ADD3: variants seen among roughly 807,000 people sequenced by gnomAD.
The protein encoded by ADD3 is gamma-adducin.
In ADD3, 25 loss-of-function variants were observed where a neutral mutation model predicts 80.2. The observed-to-expected ratio is 0.31, with a 90% CI of 0.23 to 0.44. The LOEUF (loss-of-function observed/expected upper bound fraction) is 0.44. Among genes scored for constraint, ADD3 ranks in the 20% least tolerant of loss-of-function variants. The pLI is 1.00. For missense variants in ADD3, 829 were observed against 847.5 expected (o/e 0.98, Z 0.27); for synonymous variants, 284 against 289.6 (o/e 0.98, Z 0.20).
chr10:110,064,918 G>C (rs974052593), intron 1 of ADD3, among the ~76,000 whole-genome samples: 5 of 152,076 alleles, frequency 3.3e-5, no homozygotes, highest in Admixed American at 6.5e-5. Flanking sequence ...ATTAGCCAGG[G>C]GTGGTGGCAC....
chr10:110,133,455 C>G lies in ADD3; in HGVS notation c.1958C>G (p.Thr653Arg). 1 of 1,613,812 alleles carries G rather than the reference C, an allele frequency of 6.2e-7. No homozygotes were observed. The change falls in exon 15 of 15, where the codon ACA (threonine) becomes AGA (arginine). Residue 653 changes from threonine to arginine, a missense_variant. Thr to Arg is a moderately conservative substitution (Grantham distance 71, BLOSUM62 -1). Transcript: ENST00000356080. ...AKRVSRLSTS[T>R]TIENIEITIK... ...CGAGTGAGTAGGTTAAGCACAAGTA[C>G]AACCATAGAAAACATCGAGATTACT...
chr10:110,009,693 T>C (rs2132937858), intron 1 of ADD3, among the ~76,000 whole-genome samples: 1 of 152,316 alleles, frequency 6.6e-6, no homozygotes, highest in South Asian at 2.1e-4. Context: ...CAGGATAAAA[T>C]AAAGGCAGCT....
chr10:110,123,800 G>A (rs1163520032), intron 9 of ADD3: 1 of 526,566 alleles, frequency 1.9e-6, no homozygotes, highest in East Asian at 3.1e-5. Context: ...AGTGGAAATT[G>A]CAATATCAGC....
intron 2 of ADD3, among the ~76,000 whole-genome samples, chr10:110,104,209 G>C (rs1240205752): frequency 6.6e-6 from 1 of 152,156 alleles, no homozygotes; most frequent in Non-Finnish European, 1.5e-5. Context: ...GGAGTCACTG[G>C]TCCAAAGCAA....
chr10:110,009,749 C>G (rs542503370), intron 1 of ADD3, among the ~76,000 whole-genome samples: 51 of 152,304 alleles, frequency 3.3e-4, no homozygotes, highest in Non-Finnish European at 5.7e-4. Context: ...TGTGATAACA[C>G]TTAAGGTGCC....
chr10:110,026,788 T>A (rs1253881045), intron 1 of ADD3, among the ~76,000 whole-genome samples: 1 of 152,100 alleles, frequency 6.6e-6, no homozygotes, highest in East Asian at 1.9e-4. Flanking sequence ...TTTTTTTTTT[T>A]TTAACTTCTG....
intron 1 of ADD3, among the ~76,000 whole-genome samples, chr10:110,031,545 T>C (rs867802374): frequency 4.0e-4 from 61 of 152,266 alleles, no homozygotes; most frequent in African/African-American, 1.4e-3. Context: ...CTCCCCTATG[T>C]TTTCATTTCC....
chr10:110,058,348 G>A (rs751493779), intron 1 of ADD3, among the ~76,000 whole-genome samples: 1 of 152,116 alleles, frequency 6.6e-6, no homozygotes, highest in Non-Finnish European at 1.5e-5. Flanking sequence ...CCCAGCTGTT[G>A]ATAAACTGTG....
chr10:110,063,820 C>G (rs995622950), intron 1 of ADD3, among the ~76,000 whole-genome samples: 3 of 131,074 alleles, frequency 2.3e-5, no homozygotes, highest in Non-Finnish European at 4.8e-5. Context: ...AAGTCAAGAA[C>G]TAGAATGCTA....
chr10:110,123,623 T>C (rs901333559), intron 9 of ADD3, among the ~76,000 whole-genome samples: 1 of 152,238 alleles, frequency 6.6e-6, no homozygotes, highest in Non-Finnish European at 1.5e-5. Flanking sequence ...AATGTTATTT[T>C]AGATTTTACC....
intron 1 of ADD3, among the ~76,000 whole-genome samples, chr10:110,039,285 A>G (rs1469473156): frequency 3.3e-5 from 5 of 151,310 alleles, no homozygotes; most frequent in African/African-American, 1.2e-4. Flanking sequence ...AAGTTCTCCT[A>G]CCCCAATTTA....
chr10:110,084,026 T>G (rs1480858037), intron 1 of ADD3, among the ~76,000 whole-genome samples: 1 of 152,208 alleles, frequency 6.6e-6, no homozygotes, highest in African/African-American at 2.4e-5. Flanking sequence ...TACAGCTAAA[T>G]AGACACTATA....
chr10:110,080,580 GA>G (rs1342348412), intron 1 of ADD3, among the ~76,000 whole-genome samples: 1 of 152,158 alleles, frequency 6.6e-6, no homozygotes, highest in Non-Finnish European at 1.5e-5. Flanking sequence ...ACCCATTCCA[GA>G]ATTAAAAGCA....
chr10:110,089,389 A>C (rs1847195199), intron 1 of ADD3, among the ~76,000 whole-genome samples: 1 of 152,172 alleles, frequency 6.6e-6, no homozygotes, highest in African/African-American at 2.4e-5. Flanking sequence ...GGAACTCAAC[A>C]GAAACTAAAT....
At chr10:110,092,098 G>A (rs554257939) in intron 1 of ADD3, among the ~76,000 whole-genome samples, 7 of 152,312 alleles carry the variant, frequency 4.6e-5, no homozygotes, top group African/African-American at 1.2e-4. Context: ...AGATGTTGGC[G>A]AGGTTGTGGA....
upstream of ADD3, among the ~76,000 whole-genome samples, chr10:110,002,073 G>A (rs1290878178): frequency 2.0e-5 from 3 of 151,930 alleles, no homozygotes; most frequent in East Asian, 3.9e-4. Context: ...TGGGCAGATC[G>A]CTCGAGGCCA....
intron 1 of ADD3, among the ~76,000 whole-genome samples, chr10:110,087,817 A>G (rs1209420459): frequency 5.3e-5 from 8 of 152,230 alleles, no homozygotes; most frequent in Non-Finnish European, 8.8e-5. Context: ...GAACTGCTAT[A>G]TAACAAAGTA....
At chr10:110,086,917 T>C (rs905770484) in intron 1 of ADD3, among the ~76,000 whole-genome samples, 27 of 152,246 alleles carry the variant, frequency 1.8e-4, no homozygotes, top group African/African-American at 6.5e-4. Context: ...GAGCCTGGCA[T>C]GAACCTGCAA....
At chr10:110,107,813 T>C (rs1186733637) in intron 2 of ADD3, among the ~76,000 whole-genome samples, 1 of 152,200 alleles carries the variant, frequency 6.6e-6, no homozygotes, top group African/African-American at 2.4e-5. Flanking sequence ...TTGGAAATTA[T>C]ATATTTATTG....
Sources: allele counts gnomAD v4.1 joint callset (sites outside exome capture counted in the v4.1 genomes callset), GRCh38; gene constraint gnomAD v4.1.1; transcripts MANE v1.5; gene names NCBI Gene and HGNC (gene_info 2026-07-23, HGNC 2026-07-21).